Variants in LYRM4 observed in about 807,000 individuals in gnomAD.
LYRM4 encodes the protein LYR motif-containing protein 4.
A neutral mutation model predicts 11.7 loss-of-function variants in LYRM4; 9 were observed. The ratio of observed to expected loss-of-function variants is 0.77; its 90% CI spans 0.46 to 1.34. The LOEUF is 1.34. LYRM4 is among the 40% of genes most tolerant of loss of function. The pLI, the probability that LYRM4 is intolerant of heterozygous loss-of-function variation, is 0.00. For synonymous variants in LYRM4, 42 were observed against 40.4 expected (o/e 1.04, Z -0.15); for missense variants, 133 against 112.5 (o/e 1.18, Z -0.82).
chr6:5,046,861 G>C, the LYRM4 span, among the ~76,000 whole-genome samples: 1 of 152,298 alleles, frequency 6.6e-6, no homozygotes, highest in Non-Finnish European at 1.5e-5. Context: ...AGGCCAAGAA[G>C]GGTGGATCGC....
chr6:5,196,926 C>T (rs1029124752), intron 2 of LYRM4, among the ~76,000 whole-genome samples: 4 of 152,144 alleles, frequency 2.6e-5, no homozygotes, highest in African/African-American at 4.8e-5. Context: ...TGTGACAACT[C>T]GGCAATTAGG....
At chr6:5,054,912 A>G in the LYRM4 span, among the ~76,000 whole-genome samples, 2 of 152,190 alleles carry the variant, frequency 1.3e-5, no homozygotes, top group Non-Finnish European at 2.9e-5. Flanking sequence ...TTTTGAAATG[A>G]CCCTGAAAAC....
At chr6:5,154,447 AT>A (rs10717068) in intron 2 of LYRM4, among the ~76,000 whole-genome samples, 68,934 of 152,006 alleles carry the variant, frequency 0.45, 16,777 homozygotes, top group East Asian at 0.88. Flanking sequence ...AGAGAGTGGC[AT>A]GCAGTATCTA....
chr6:5,049,035 T>A, the LYRM4 span, among the ~76,000 whole-genome samples: 3 of 151,974 alleles, frequency 2.0e-5, no homozygotes, highest in East Asian at 1.9e-4. Context: ...AATTACAGTG[T>A]AAGAAAGATT....
intron 2 of LYRM4, among the ~76,000 whole-genome samples, chr6:5,127,423 G>A (rs1236271998): frequency 6.6e-6 from 1 of 152,172 alleles, no homozygotes; most frequent in East Asian, 1.9e-4. Context: ...TAAGGTATGT[G>A]AATCTCAATA....
chr6:5,192,801 G>A (rs557648069), intron 2 of LYRM4, among the ~76,000 whole-genome samples: 3 of 152,320 alleles, frequency 2.0e-5, no homozygotes, highest in South Asian at 2.1e-4. Context: ...CGAGGCGGGC[G>A]GATCACCTGA....
chr6:5,254,530 A>T (rs1011954288), intron 1 of LYRM4, among the ~76,000 whole-genome samples: 3 of 152,232 alleles, frequency 2.0e-5, no homozygotes, highest in African/African-American at 4.8e-5. Context: ...TTTTGCACCA[A>T]CTTGCTACCT....
In LYRM4 at chr6:5,252,834, C is replaced by T. The variant is rs73718014; in HGVS notation, c.86+7814G>A. 8.4e-3 allele frequency among the ~76,000 whole-genome samples: 1,279 copies of T among 152,222 alleles called. 13 individuals carry two copies. Among genetic ancestry groups the T allele is most frequent in the African/African-American group, 0.029 (1,206 of 41,542 alleles). ...CCATCAGGCATAAGCATGAGAGGAA[C>T]ACCGAGACTCACACATACCTTGACA... On this transcript the variant is annotated intron_variant, in intron 1 of 2. Transcript: ENST00000330636.
intron 2 of LYRM4, among the ~76,000 whole-genome samples, chr6:5,177,249 C>G (rs1759772662): frequency 6.6e-6 from 1 of 152,250 alleles, no homozygotes; most frequent in Non-Finnish European, 1.5e-5. Context: ...TTAATATCTT[C>G]TTAAGGCTGT....
chr6:5,160,572 T>C (rs1282421727), intron 2 of LYRM4, among the ~76,000 whole-genome samples: 2 of 151,952 alleles, frequency 1.3e-5, no homozygotes, highest in Non-Finnish European at 2.9e-5. Context: ...TTAAAGGAGT[T>C]CCCCTGCACA....
downstream of LYRM4, chr6:5,104,988 T>C (rs937548880): frequency 6.6e-6 from 1 of 152,202 alleles, no homozygotes; most frequent in Non-Finnish European, 1.5e-5. Context: ...CTGAAGATAT[T>C]TGTGGAAATG....
At chr6:5,064,574 A>T in the LYRM4 span, among the ~76,000 whole-genome samples, 1 of 151,716 alleles carries the variant, frequency 6.6e-6, no homozygotes, top group Non-Finnish European at 1.5e-5. Flanking sequence ...TTTGCTTAAA[A>T]TTTTTTTTTA....
intron 1 of LYRM4, among the ~76,000 whole-genome samples, chr6:5,229,876 G>C (rs1313877838): frequency 6.6e-6 from 1 of 152,152 alleles, no homozygotes; most frequent in Non-Finnish European, 1.5e-5. Context: ...GAAAAGTTTA[G>C]GAGTATTTCT....
chr6:5,167,118 T>C (rs1037753380), intron 2 of LYRM4, among the ~76,000 whole-genome samples: 1 of 152,174 alleles, frequency 6.6e-6, no homozygotes, highest in African/African-American at 2.4e-5. Flanking sequence ...GCTTGAGGCA[T>C]TTTGTTCAGT....
intron 2 of LYRM4, among the ~76,000 whole-genome samples, chr6:5,165,587 G>A (rs1175857668): frequency 1.3e-5 from 2 of 150,770 alleles, no homozygotes; most frequent in East Asian, 3.9e-4. Context: ...CTGTTGCCCA[G>A]GCTGGAGTGC....
chr6:5,217,140 G>A (rs572417300), intron 1 of LYRM4, among the ~76,000 whole-genome samples: 23 of 152,306 alleles, frequency 1.5e-4, no homozygotes, highest in African/African-American at 4.6e-4. Flanking sequence ...GCGACAATGC[G>A]AGACCCTGTC....
At chr6:5,189,258 T>TA (rs1760609533) in intron 2 of LYRM4, among the ~76,000 whole-genome samples, 1 of 152,160 alleles carries the variant, frequency 6.6e-6, no homozygotes, top group African/African-American at 2.4e-5. Flanking sequence ...GTGCTTAGCC[T>TA]AAGGTTAGTG....
At chr6:5,128,380 C>A (rs2127609940) in intron 2 of LYRM4, among the ~76,000 whole-genome samples, 1 of 152,282 alleles carries the variant, frequency 6.6e-6, no homozygotes, top group East Asian at 1.9e-4. Flanking sequence ...TGCCCTGTGG[C>A]CTCGTAGATA....
At chr6:5,260,598 T>TGCCCCGGCCCCCGGGCCCCCCCCC in intron 1 of LYRM4, 50 bp downstream of exon 1, 1 of 1,105,570 alleles carries the variant, frequency 9.0e-7, no homozygotes, top group Non-Finnish European at 1.3e-6. Context: ...GCACCCCCGG[T>TGCCCCGGCCCCCGGGCCCCCCCCC]CCCCGGCCCC....
Sources: allele counts gnomAD v4.1 joint callset (sites outside exome capture counted in the v4.1 genomes callset), GRCh38; gene constraint gnomAD v4.1.1; transcripts MANE v1.5; gene names NCBI Gene and HGNC (gene_info 2026-07-23, HGNC 2026-07-21).